The following RBFOX1 variants were observed in gnomAD, a reference collection of about 807,000 sequenced individuals.
RBFOX1 encodes RNA binding protein fox-1 homolog 1.
A neutral mutation model predicts 57.7 loss-of-function variants in RBFOX1; 8 were observed. That is an observed-to-expected ratio of 0.14 (90% CI 0.08 to 0.25). RBFOX1 has a LOEUF of 0.25. Ranked by LOEUF, RBFOX1 falls within the 10% of genes least tolerant of loss-of-function variation. RBFOX1 has a pLI of 1.00. For missense variants in RBFOX1, 611 were observed against 548.5 expected, an observed-to-expected ratio of 1.11 and a Z score of -1.14; for synonymous variants, 326 against 222.4, an observed-to-expected ratio of 1.47 and a Z score of -4.15.
chr16:5,671,551 G>A (rs1325647245), intron 3 of RBFOX1, among the ~76,000 whole-genome samples: 1 of 152,228 alleles, frequency 6.6e-6, no homozygotes, highest in East Asian at 1.9e-4. Context: ...AGTCATGGGT[G>A]TTATGAAATT....
At chr16:7,572,210 A>C (rs188667264) in intron 5 of RBFOX1, among the ~76,000 whole-genome samples, 2 of 152,330 alleles carry the variant, frequency 1.3e-5, no homozygotes, top group East Asian at 3.9e-4. Flanking sequence ...TTAACCATTC[A>C]CAAAGACTTG....
intron 4 of RBFOX1, among the ~76,000 whole-genome samples, chr16:7,172,374 C>T (rs2080869081): frequency 2.0e-5 from 3 of 152,298 alleles, no homozygotes. Context: ...AAAAGTAAAT[C>T]TTCCCACTAG....
chr16:6,380,277 G>T (rs893787631), intron 2 of RBFOX1, among the ~76,000 whole-genome samples: 1 of 152,000 alleles, frequency 6.6e-6, no homozygotes, highest in Non-Finnish European at 1.5e-5. Flanking sequence ...CAATCCAATG[G>T]GACTGATGTT....
chr16:6,831,426 A>G (rs988090289), intron 3 of RBFOX1, among the ~76,000 whole-genome samples: 1 of 152,226 alleles, frequency 6.6e-6, no homozygotes, highest in Admixed American at 6.5e-5. Flanking sequence ...ACTCTGAAAC[A>G]TATTTAACCA....
At chr16:5,503,564 C>T (rs1051440334) in intron 2 of RBFOX1, among the ~76,000 whole-genome samples, 4 of 152,144 alleles carry the variant, frequency 2.6e-5, no homozygotes, top group Non-Finnish European at 5.9e-5. Flanking sequence ...GTGCCTTGGC[C>T]TCCTGAGTAG....
At chr16:6,109,314 A>T (rs531583360) in intron 1 of RBFOX1, among the ~76,000 whole-genome samples, 1 of 152,298 alleles carries the variant, frequency 6.6e-6, no homozygotes, top group East Asian at 1.9e-4. Context: ...CTGAATCTTC[A>T]TGCCGTGTTT....
rs2080254125 is a variant in RBFOX1 at position 6,779,929 on chromosome 16, A to ATATATATTTATATATT, written c.-16+125294_-16+125295insTTATATATTTATATAT. 2.1e-4 allele frequency among the ~76,000 whole-genome samples: 3 copies of ATATATATTTATATATT among 14,206 alleles called. 1 individual carries two copies. Among genetic ancestry groups the ATATATATTTATATATT allele is most frequent in the African/African-American group, 7.9e-4 (3 of 3,790 alleles). The allele number at this position is 14,206 out of a possible 152,430, so 9.3% of individuals were successfully genotyped here. A position where few individuals can be genotyped will look rare whatever the true frequency, so the allele number is the denominator to read the frequency against. On this transcript the variant is annotated intron_variant, in intron 3 of 15. Transcript: ENST00000550418. ...TATATTTATATATTTATATATATTT[A>ATATATATTTATATATT]TATATATTTATATATATTTATATAT...
At chr16:6,113,503 A>C (rs2096466839) in intron 1 of RBFOX1, among the ~76,000 whole-genome samples, 1 of 152,240 alleles carries the variant, frequency 6.6e-6, no homozygotes, top group African/African-American at 2.4e-5. Flanking sequence ...GTACTGTGGC[A>C]GCCATCCTGT....
chr16:5,501,510 G>A (rs1332790886), intron 2 of RBFOX1, among the ~76,000 whole-genome samples: 1 of 152,050 alleles, frequency 6.6e-6, no homozygotes, highest in African/African-American at 2.4e-5. Context: ...TTTGTCTCTG[G>A]AGGCAGATGG....
chr16:7,633,099 AATG>A (rs1227311427), intron 11 of RBFOX1, among the ~76,000 whole-genome samples: 1 of 152,196 alleles, frequency 6.6e-6, no homozygotes, highest in Non-Finnish European at 1.5e-5. Flanking sequence ...ATGAATGAAG[AATG>A]ATGTTTAGAT....
chr16:6,921,645 A>ATAT (rs910975670), intron 3 of RBFOX1, among the ~76,000 whole-genome samples: 297 of 55,250 alleles, frequency 5.4e-3, no homozygotes, highest in African/African-American at 0.016. Flanking sequence ...ATATATATAT[A>ATAT]TTTTTTTTTT....
At chr16:6,099,083 T>C (rs535205693) in intron 1 of RBFOX1, among the ~76,000 whole-genome samples, 1 of 152,354 alleles carries the variant, frequency 6.6e-6, no homozygotes, top group Non-Finnish European at 1.5e-5. Context: ...TCATGTTGTA[T>C]GAGTCCAGGG....
intron 4 of RBFOX1, among the ~76,000 whole-genome samples, chr16:7,323,772 G>C (rs1568210362): frequency 6.6e-6 from 1 of 152,216 alleles, no homozygotes; most frequent in African/African-American, 2.4e-5. Flanking sequence ...TAGTGACTCT[G>C]TTAGTGATGA....
chr16:6,234,636 G>C (rs930486997), intron 1 of RBFOX1, among the ~76,000 whole-genome samples: 1 of 152,138 alleles, frequency 6.6e-6, no homozygotes, highest in Admixed American at 6.6e-5. Context: ...TTTTTATCTG[G>C]GTGACTCAGT....
chr16:7,052,236 C>A, intron 4 of RBFOX1, 138 bp downstream of exon 4: 1 of 1,340,400 alleles, frequency 7.5e-7, no homozygotes, highest in Non-Finnish European at 9.9e-7. Flanking sequence ...ATATTTATCC[C>A]AGCTTATTTA....
At chr16:6,907,188 A>G (rs2070232036) in intron 3 of RBFOX1, among the ~76,000 whole-genome samples, 2 of 152,128 alleles carry the variant, frequency 1.3e-5, no homozygotes, top group South Asian at 2.1e-4. Flanking sequence ...TCCTCCTGGC[A>G]TCTGTAGGGC....
chr16:5,241,305 G>T (rs1376027249), intron 1 of RBFOX1, among the ~76,000 whole-genome samples: 1 of 152,206 alleles, frequency 6.6e-6, no homozygotes, highest in South Asian at 2.1e-4. Flanking sequence ...TGAGATTCTG[G>T]GAGAAGGAGG....
At position 6,950,501 on chromosome 16, in the gene RBFOX1, T is replaced by C. The variant is rs114641813; in HGVS notation, c.-15-101556T>C. 3.2e-3 allele frequency among the ~76,000 whole-genome samples: 485 copies of C among 152,272 alleles called. 4 individuals are homozygous for C. The highest frequency in any genetic ancestry group is 0.011 in the African/African-American group (466 of 41,542). On this transcript the variant is annotated intron_variant, in intron 3 of 15. Coordinates refer to ENST00000550418, the MANE Select transcript of RBFOX1 (RefSeq NM_018723.4). ...TAAATGTTTGATGACCTGAATTGGA[T>C]TGAAGCTGAACAAATAGAAATTGCA... is the stretch of plus-strand genomic sequence containing the variant.
At chr16:6,144,326 G>A (rs1389484357) in intron 1 of RBFOX1, among the ~76,000 whole-genome samples, 1 of 152,004 alleles carries the variant, frequency 6.6e-6, no homozygotes, top group Non-Finnish European at 1.5e-5. Context: ...CAAATTTAGG[G>A]TACCATTTTG....
Sources: allele counts gnomAD v4.1 joint callset (sites outside exome capture counted in the v4.1 genomes callset), GRCh38; gene constraint gnomAD v4.1.1; transcripts MANE v1.5; gene names NCBI Gene and HGNC (gene_info 2026-07-23, HGNC 2026-07-21).